Variants in CHCHD5 observed in about 807,000 individuals in gnomAD.
The protein encoded by CHCHD5 is coiled-coil-helix-coiled-coil-helix domain containing 5, also known as coiled-coil-helix-coiled-coil-helix domain-containing protein 5.
CHCHD5 carries 10 observed loss-of-function variants against 16.0 expected under a neutral mutation model. The ratio of observed to expected loss-of-function variants is 0.63; its 90% CI spans 0.39 to 1.06. The LOEUF (loss-of-function observed/expected upper bound fraction) is 1.06. Ranked by LOEUF, CHCHD5 falls within the 50% of genes least tolerant of loss-of-function variation. The probability of loss-of-function intolerance (pLI) is 0.01; values close to 1 mark genes in which losing one functional copy is unlikely to be tolerated. For synonymous variants in CHCHD5, 55 were observed against 56.3 expected, an observed-to-expected ratio of 0.98 and a Z score of 0.10; for missense variants, 163 against 153.4, an observed-to-expected ratio of 1.06 and a Z score of -0.33.
intron 1 of CHCHD5, chr2:112,584,975 C>G: frequency 2.3e-6 from 1 of 437,706 alleles, no homozygotes; most frequent in Non-Finnish European, 4.2e-6. Flanking sequence ...ACCTCTATGA[C>G]TCCTACACCC....
chr2:112,585,025 CT>C (rs910921702), intron 1 of CHCHD5: 1 of 281,358 alleles, frequency 3.6e-6, no homozygotes, highest in African/African-American at 2.1e-5. Context: ...GATCACCAAA[CT>C]TTACCTTTTG....
At position 112,586,333 on chromosome 2, in the gene CHCHD5, G is replaced by A. The variant is rs781155807; in HGVS notation, c.277G>A (p.Val93Met). 1.2e-6 allele frequency: 2 copies of A among 1,614,236 alleles called. No homozygotes were observed. Among genetic ancestry groups the A allele is most frequent in the South Asian group, 1.1e-5 (1 of 91,088 alleles). ...CCGCTTCCTGCAGTGCGCTGAGCAGGTGCAGCCGCCACGCTCACCTGCAAC... is the reference window on the plus strand; with the variant it reads ...CCGCTTCCTGCAGTGCGCTGAGCAGATGCAGCCGCCACGCTCACCTGCAAC... ...MRRFLQCAEQ[V>M]QPPRSPATVE... The change falls in exon 3 of 4, where the codon GTG becomes ATG. Residue 93 changes from valine (V) to methionine (M), a missense_variant. Transcript: ENST00000324913.
rs781280592 is a variant in CHCHD5 at position 112,584,670 on chromosome 2, C to T, written c.2+21C>T. ...GAGATGTGAGTAGTGAGAGCGCCTA[C>T]CCCATACGTGCTGCCGCTCCCCTTC... On this transcript the variant is annotated intron_variant, in intron 1 of 3. Coordinates refer to ENST00000324913, the MANE Select transcript of CHCHD5 (RefSeq NM_032309.4). The T allele has an allele frequency of 4.3e-6, 7 of 1,613,852 alleles. 1 individual carries two copies. The South Asian group carries it at 4.4e-5, about 10-fold the overall frequency.
chr2:112,586,774 T>G (rs1487239756), intron 3 of CHCHD5: 4 of 573,530 alleles, frequency 7.0e-6, no homozygotes, highest in Non-Finnish European at 1.2e-5. Flanking sequence ...TAGGCTGACT[T>G]CATCTGCCTC....
At chr2:112,588,679 TC>T (rs995853699) in intron 3 of CHCHD5, 186 bp from the exon 4 acceptor site, 6 of 568,830 alleles carry the variant, frequency 1.1e-5, no homozygotes, top group African/African-American at 9.5e-5. Context: ...AATGGCGCGT[TC>T]CCTGCCTCCC....
rs766271879 is a variant in CHCHD5, at chr2:112,585,982, C to T, written c.11C>T (p.Ala4Val). 2.9e-5 allele frequency: 47 copies of T among 1,613,962 alleles called. No homozygotes were observed. The highest frequency in any genetic ancestry group is 4.0e-5 in the Non-Finnish European group (47 of 1,179,972). ...CCCATCCTGTCCCACAGGCAGGCGG[C>T]CCTAGAGGTCACCGCTCGCTACTGT... MQA[A>V]LEVTARYCGR... is the part of the protein sequence containing the mutation. The change falls in exon 2 of 4, where the codon GCC becomes GTC. Residue 4 changes from alanine to valine, a missense_variant. Transcript: ENST00000324913.
Position 112,584,644 on chromosome 2 carries a change from C to T in CHCHD5, c.-4C>T. 3 of 1,613,866 alleles carry T rather than the reference C, an allele frequency of 1.9e-6. No individual in the cohort carries two copies. The highest frequency in any genetic ancestry group is 2.2e-5 in the South Asian group (2 of 90,858). On this transcript the variant is annotated 5_prime_UTR_variant, in exon 1 of 4. Coordinates refer to ENST00000324913, the MANE Select transcript of CHCHD5 (RefSeq NM_032309.4). ...GACAGCCCTACGCCGGCAAAGGTCT[C>T]GAGATGTGAGTAGTGAGAGCGCCTA...
Position 112,586,217 on chromosome 2 carries a change from TC to T in CHCHD5, c.163del (p.Arg55AlafsTer69), listed in dbSNP as rs748529806. 1 of 1,609,854 alleles carries T rather than the reference TC, an allele frequency of 6.2e-7. No individual in the cohort carries two copies. The highest frequency in any genetic ancestry group is 1.3e-5 in the African/African-American group (1 of 74,866). On this transcript the variant is annotated frameshift_variant, in exon 3 of 4. Coordinates refer to ENST00000324913, the MANE Select transcript of CHCHD5 (RefSeq NM_032309.4). LOFTEE classifies it high-confidence loss of function. ...CCCCACAGCCCAATCATCCGCCAGA[TC>T]CGCCAGGCCTGTGCTCAGCCTTTTG... ...CTSSHPIIRQ[I>X]RQACAQPFEA...
intron 3 of CHCHD5, 48 bp downstream of exon 3, chr2:112,586,413 T>G: frequency 6.2e-7 from 1 of 1,613,252 alleles, no homozygotes; most frequent in Non-Finnish European, 8.5e-7. Context: ...TAACATCCCC[T>G]TCATCCTTCT....
chr2:112,585,948 G>C (rs1433619710), intron 1 of CHCHD5, 26 bp from the exon 2 acceptor site: 1 of 1,602,856 alleles, frequency 6.2e-7, no homozygotes, highest in East Asian at 2.2e-5. Context: ...TGCCTGGAAT[G>C]ATCCTCAGCC....
At position 112,588,862 on chromosome 2, in the gene CHCHD5, A is replaced by G. The variant is rs369665974; in HGVS notation, c.310-4A>G. The G allele has an allele frequency of 6.2e-7, 1 of 1,611,224 alleles. No individual in the cohort carries two copies. The highest frequency in any genetic ancestry group is 1.7e-5 in the Admixed American group (1 of 59,926). On this transcript the variant is annotated splice_region_variant and splice_polypyrimidine_tract_variant and intron_variant, in intron 3 of 3. Transcript: ENST00000324913. ...TACTAGATGTTGATGTACTTTCTCC[A>G]CAGGCACAGCCACTTCCTGCCTCCT...
chr2:112,586,013 G>A lies in CHCHD5; in HGVS notation c.42G>A (p.Arg14=). ...ALEVTARYCG[R]ELEQYGQCVA... ...AGGTCACCGCTCGCTACTGTGGCCG[G>A]GAGCTGGAGCAGTATGGCCAGTGTG... Residue 14 remains arginine, a synonymous_variant, in exon 2 of 4, where the codon CGG becomes CGA. Transcript: ENST00000324913. The A allele has an allele frequency of 6.2e-7, 1 of 1,614,266 alleles. No homozygotes were observed. Among genetic ancestry groups the A allele is most frequent in the South Asian group, 1.1e-5 (1 of 91,092 alleles).
At chr2:112,585,933 C>G in intron 1 of CHCHD5, 41 bp from the exon 2 acceptor site, 1 of 1,575,862 alleles carries the variant, frequency 6.3e-7, no homozygotes, top group Non-Finnish European at 8.6e-7. Context: ...CCCTTGCTTG[C>G]CTACTGCCTG....
chr2:112,584,616 C>A lies in CHCHD5; in HGVS notation c.-32C>A. ...TACCGGAAAAGGCGGGTCGTTCCCC[C>A]CGGACAGCCCTACGCCGGCAAAGGT... On this transcript the variant is annotated 5_prime_UTR_variant, in exon 1 of 4. Coordinates refer to ENST00000324913, the MANE Select transcript of CHCHD5 (RefSeq NM_032309.4). The A allele has an allele frequency of 6.2e-7, 1 of 1,612,050 alleles. No homozygotes were observed. The highest frequency in any genetic ancestry group is 8.5e-7 in the Non-Finnish European group (1 of 1,179,952).
At position 112,586,188 on chromosome 2, in the gene CHCHD5, C is replaced by G; in HGVS notation, c.144-12C>G. 1 of 1,609,672 alleles carries G rather than the reference C, an allele frequency of 6.2e-7. No homozygotes were observed. The highest frequency in any genetic ancestry group is 8.5e-7 in the Non-Finnish European group (1 of 1,176,332). ...GGAATCTCCCAGGGGCTGAACTGCC[C>G]TACCCCCACAGCCCAATCATCCGCC... On this transcript the variant is annotated splice_polypyrimidine_tract_variant and intron_variant, in intron 2 of 3. Coordinates refer to ENST00000324913, the MANE Select transcript of CHCHD5 (RefSeq NM_032309.4).
At chr2:112,585,330 A>T (rs1685174961) in intron 1 of CHCHD5, among the ~76,000 whole-genome samples, 1 of 152,122 alleles carries the variant, frequency 6.6e-6, no homozygotes, top group Non-Finnish European at 1.5e-5. Flanking sequence ...GGAATTCTAG[A>T]TCTTTCTTCT....
In CHCHD5 at chr2:112,586,013, G is replaced by C. The variant is rs1393373170; in HGVS notation, c.42G>C (p.Arg14=). 1 of 1,614,266 alleles carries C rather than the reference G, an allele frequency of 6.2e-7. No homozygotes were observed. The highest frequency in any genetic ancestry group is 1.6e-4 in the Middle Eastern group (1 of 6,062). ...ALEVTARYCG[R]ELEQYGQCVA... Reference sequence around the variant, plus strand: ...AGGTCACCGCTCGCTACTGTGGCCGGGAGCTGGAGCAGTATGGCCAGTGTG... The same window carrying C: ...AGGTCACCGCTCGCTACTGTGGCCGCGAGCTGGAGCAGTATGGCCAGTGTG... The change falls in exon 2 of 4, where the codon CGG becomes CGC. Residue 14 remains arginine (R), a synonymous_variant. Coordinates refer to ENST00000324913, the MANE Select transcript of CHCHD5 (RefSeq NM_032309.4).
intron 3 of CHCHD5, chr2:112,586,815 C>T (rs936858187): frequency 4.1e-6 from 2 of 482,020 alleles, no homozygotes; most frequent in Non-Finnish European, 7.2e-6. Flanking sequence ...TTTCTCACTA[C>T]TCCTCATCTG....
Position 112,586,074 on chromosome 2 carries a change from C to G in CHCHD5, c.103C>G (p.His35Asp). 2 of 1,613,962 alleles carry G rather than the reference C, an allele frequency of 1.2e-6. No homozygotes were observed. The highest frequency in any genetic ancestry group is 1.7e-6 in the Non-Finnish European group (2 of 1,179,936). The change falls in exon 2 of 4, where the codon CAC becomes GAC. Residue 35 changes from histidine (H) to aspartate (D), a missense_variant. By Grantham distance (81) the His-to-Asp change is moderately conservative. Coordinates refer to ENST00000324913, the MANE Select transcript of CHCHD5 (RefSeq NM_032309.4). ...GCCGGAATCCTGGCAGCGGGACTGT[C>G]ACTACCTTAAGATGAGCATTGCCCA... Reference protein sequence around the residue: ...AKPESWQRDCHYLKMSIAQCT... With the variant: ...AKPESWQRDCDYLKMSIAQCT...
Sources: allele counts gnomAD v4.1 joint callset (sites outside exome capture counted in the v4.1 genomes callset), GRCh38; gene constraint gnomAD v4.1.1; transcripts MANE v1.5; gene names NCBI Gene and HGNC (gene_info 2026-07-23, HGNC 2026-07-21).